WDR1: variants seen among roughly 807,000 people sequenced by gnomAD.
The protein encoded by WDR1 is WD repeat-containing protein 1.
A neutral mutation model predicts 71.9 loss-of-function variants in WDR1; 21 were observed. The ratio of observed to expected loss-of-function variants is 0.29; its 90% CI spans 0.21 to 0.42. WDR1 has a LOEUF of 0.42. WDR1 is among the 10% of genes least tolerant of loss of function. The probability of loss-of-function intolerance (pLI) is 1.00; values close to 1 mark genes in which losing one functional copy is unlikely to be tolerated. For synonymous variants in WDR1, 424 were observed against 347.4 expected, an observed-to-expected ratio of 1.22 and a Z score of -2.45; for missense variants, 696 against 824.5, an observed-to-expected ratio of 0.84 and a Z score of 1.91.
At chr4:10,107,064 G>A (rs573023605) in intron 2 of WDR1, among the ~76,000 whole-genome samples, 235 of 152,266 alleles carry the variant, frequency 1.5e-3, no homozygotes, top group Non-Finnish European at 2.9e-3. Flanking sequence ...TGGGGAAAAC[G>A]AGACAGGGAG....
chr4:10,082,938 C>T, intron 10 of WDR1, 84 bp downstream of exon 10: 8 of 1,515,432 alleles, frequency 5.3e-6, no homozygotes, highest in Non-Finnish European at 7.1e-6. Context: ...AGGCGTCCTC[C>T]AGAACAGTAA....
chr4:10,098,885 G>A (rs956583331), intron 4 of WDR1, 107 bp downstream of exon 4: 21 of 1,508,666 alleles, frequency 1.4e-5, no homozygotes, highest in Middle Eastern at 2.3e-4. Context: ...CAACCCTCAC[G>A]AGTGCAAGTT....
intron 5 of WDR1, chr4:10,093,293 G>A: frequency 1.5e-5 from 7 of 451,858 alleles, no homozygotes; most frequent in South Asian, 7.7e-5. Flanking sequence ...GCTGGTAGAA[G>A]GGGACAGGCT....
In WDR1 at chr4:10,075,348, C is replaced by T. The variant is rs751675679; in HGVS notation, c.*30G>A. 1.3e-5 allele frequency: 20 copies of T among 1,595,624 alleles called. No individual in the cohort carries two copies. Among genetic ancestry groups the T allele is most frequent in the East Asian group, 8.9e-5 (4 of 44,714 alleles). On this transcript the variant is annotated 3_prime_UTR_variant, in exon 15 of 15. Transcript: ENST00000499869. ...TGCAGTTAAACTCTAGTCCCTGATT[C>T]GGTCCATCCAGAGGCGGGGGTGGGG...
At chr4:10,113,863 G>C (rs1023565436) in intron 2 of WDR1, among the ~76,000 whole-genome samples, 7 of 152,224 alleles carry the variant, frequency 4.6e-5, no homozygotes, top group African/African-American at 1.7e-4. Flanking sequence ...TTCCCTTTTA[G>C]GGGAAGAGCA....
chr4:10,083,554 C>A (rs1765096408), intron 9 of WDR1: 3 of 473,544 alleles, frequency 6.3e-6, no homozygotes, highest in Non-Finnish European at 8.4e-6. Context: ...CTCTCCCAGC[C>A]TGGGGGGACC....
At chr4:10,084,400 A>AGAGCCAGCGGCTCCG (rs752635502) in intron 9 of WDR1, 43 bp downstream of exon 9, 13 of 1,574,210 alleles carry the variant, frequency 8.3e-6, no homozygotes, top group Non-Finnish European at 1.1e-5. Context: ...ATTCCCCCCT[A>AGAGCCAGCGGCTCCG]GAGCCAGCGG....
At chr4:10,092,526 C>A in intron 5 of WDR1, 1 of 157,284 alleles carries the variant, frequency 6.4e-6, no homozygotes, top group Non-Finnish European at 1.4e-5. Context: ...GTGTCCCTCC[C>A]TGGCCCCAGA....
At chr4:10,113,830 C>T (rs1040842132) in intron 2 of WDR1, among the ~76,000 whole-genome samples, 2 of 152,206 alleles carry the variant, frequency 1.3e-5, no homozygotes, top group African/African-American at 4.8e-5. Context: ...AGGTTTGGGG[C>T]CTGAACAGCT....
chr4:10,109,339 C>T (rs985165799), intron 2 of WDR1, among the ~76,000 whole-genome samples: 1 of 152,256 alleles, frequency 6.6e-6, no homozygotes, highest in Admixed American at 6.5e-5. Context: ...TTCACACAAT[C>T]CCAGGTCACG....
intron 1 of WDR1, 114 bp from the exon 2 acceptor site, chr4:10,116,348 AG>A: frequency 6.8e-7 from 1 of 1,466,094 alleles, no homozygotes; most frequent in South Asian, 1.3e-5. Flanking sequence ...CTGCGCCGGG[AG>A]GGCGGCCTCC....
In WDR1 at chr4:10,077,740, C is replaced by T. The variant is rs376236354; in HGVS notation, c.1569+13G>A. The stretch of plus-strand genomic sequence containing the variant: ...CCAGCACGGGGACAGAGGAGGAGCC[C>T]GCCGCCACTCACCGAGTAGCCGTCA... On this transcript the variant is annotated intron_variant, in intron 13 of 14. Transcript: ENST00000499869. 139 of 1,560,322 alleles carry T rather than the reference C, an allele frequency of 8.9e-5. No individual in the cohort carries two copies. Among genetic ancestry groups the T allele is most frequent in the Middle Eastern group, 1.7e-4 (1 of 5,870 alleles).
chr4:10,088,070 T>G (rs1257297900), intron 7 of WDR1, 130 bp from the exon 8 acceptor site: 18 of 981,210 alleles, frequency 1.8e-5, no homozygotes, highest in Non-Finnish European at 2.6e-5. Context: ...GGGACATGAG[T>G]GAGGCCAAGG....
intron 2 of WDR1, among the ~76,000 whole-genome samples, chr4:10,107,896 G>A (rs1713114306): frequency 6.6e-6 from 1 of 152,176 alleles, no homozygotes; most frequent in African/African-American, 2.4e-5. Flanking sequence ...GTGCCCATTT[G>A]AAGCAGAAGC....
intron 3 of WDR1, among the ~76,000 whole-genome samples, chr4:10,099,789 G>C (rs895617936): frequency 6.6e-6 from 1 of 152,218 alleles, no homozygotes; most frequent in African/African-American, 2.4e-5. Flanking sequence ...GCAGTTCCAC[G>C]ACGCACAGGA....
rs1477857338 is a variant in WDR1, at chr4:10,089,695, G to A, written c.559-954C>T. 3.3e-5 allele frequency among the ~76,000 whole-genome samples: 5 copies of A among 152,330 alleles called. No individual in the cohort carries two copies. The South Asian group carries it at 8.3e-4, about 25-fold the overall frequency. On this transcript the variant is annotated intron_variant, in intron 5 of 14. Coordinates refer to ENST00000499869, the MANE Select transcript of WDR1 (RefSeq NM_017491.5). ...AACTCTCTTGGCACAGGAAGGGCTC[G>A]CTGCTCAGCAGGTACGAACACTAAC...
chr4:10,092,926 C>G (rs926680251), intron 5 of WDR1: 7 of 565,018 alleles, frequency 1.2e-5, no homozygotes, highest in Non-Finnish European at 2.1e-5. Context: ...TGACGGTGTC[C>G]GGTCCACACT....
intron 5 of WDR1, among the ~76,000 whole-genome samples, chr4:10,089,708 TACGAAC>T: frequency 6.6e-6 from 1 of 152,308 alleles, no homozygotes; most frequent in Non-Finnish European, 1.5e-5. Context: ...GCTCAGCAGG[TACGAAC>T]ACTAACCTTC....
chr4:10,083,412 T>C (rs1053160325), intron 9 of WDR1, among the ~76,000 whole-genome samples: 12 of 152,240 alleles, frequency 7.9e-5, no homozygotes, highest in Non-Finnish European at 1.3e-4. Flanking sequence ...GGAGCCGTGC[T>C]GAAGGCCTAC....
Sources: gnomAD v4.1 joint callset for allele counts (sites outside exome capture counted in the v4.1 genomes callset) on GRCh38, gnomAD v4.1.1 for gene constraint, MANE v1.5 for transcripts, NCBI Gene and HGNC (gene_info 2026-07-23, HGNC 2026-07-21) for gene names.